The following GSE1 variants were observed in gnomAD, a reference collection of about 807,000 sequenced individuals.
The protein encoded by GSE1 is Gse1 coiled-coil protein.
Under a neutral mutation model 112.6 loss-of-function variants are expected in GSE1, and 32 were observed. The observed-to-expected ratio is 0.28, with a 90% CI of 0.21 to 0.38. The LOEUF is 0.38. Among genes scored for constraint, GSE1 ranks in the 10% least tolerant of loss-of-function variants. The pLI, the probability that GSE1 is intolerant of heterozygous loss-of-function variation, is 1.00. For synonymous variants in GSE1, 1,115 were observed against 735.6 expected (o/e 1.52, Z -8.35); for missense variants, 2,348 against 1,699.2 (o/e 1.38, Z -6.71).
intron 1 of GSE1, among the ~76,000 whole-genome samples, chr16:85,353,544 A>G (rs957972510): frequency 4.6e-5 from 7 of 152,150 alleles, no homozygotes; most frequent in Admixed American, 2.0e-4. Flanking sequence ...TAAAAAATGG[A>G]TTCCCAAAGC....
chr16:85,594,561 C>A (rs2047141934), intron 1 of GSE1: 1 of 152,256 alleles, frequency 6.6e-6, no homozygotes, highest in Non-Finnish European at 1.5e-5. Context: ...ATTCATTCAG[C>A]AAACGCCCGT....
Position 85,657,266 on chromosome 16 carries a change from T to A in GSE1, c.1313-11T>A. Reference sequence around the variant, plus strand: ...GGCTGAGATCCTGCTTGACCGTGTTTCCCCCCACAGAGAAGCTGAAGGATG... The same window carrying A: ...GGCTGAGATCCTGCTTGACCGTGTTACCCCCCACAGAGAAGCTGAAGGATG... On this transcript the variant is annotated splice_polypyrimidine_tract_variant and intron_variant, in intron 7 of 15. Transcript: ENST00000253458. 1 of 1,517,148 alleles carries A rather than the reference T, an allele frequency of 6.6e-7. No homozygotes were observed. The highest frequency in any genetic ancestry group is 8.9e-7 in the Non-Finnish European group (1 of 1,129,460). The allele number at this position is 1,517,148 out of a possible 1,614,324, so 94.0% of individuals were successfully genotyped here. A position where few individuals can be genotyped will look rare whatever the true frequency, so the allele number is the denominator to read the frequency against.
chr16:85,353,105 G>A (rs1318980662), intron 1 of GSE1, among the ~76,000 whole-genome samples: 2 of 152,214 alleles, frequency 1.3e-5, no homozygotes, highest in African/African-American at 4.8e-5. Context: ...GCCTCACTAG[G>A]CTGCAGATCA....
At position 85,398,868 on chromosome 16, in the gene GSE1, C is replaced by T. The variant is rs147365993; in HGVS notation, c.2464+41225C>T. ...ATGTGTAGACATGTATAATGCATGT[C>T]GAGTGCGCACCGACATGTGTGGTAT... is the stretch of plus-strand genomic sequence containing the variant. On this transcript the variant is annotated intron_variant, in intron 2 of 2. Transcript: ENST00000637419. 2.0e-3 allele frequency among the ~76,000 whole-genome samples: 309 copies of T among 152,116 alleles called. 1 individual carries two copies. The highest frequency in any genetic ancestry group is 0.014 in the Middle Eastern group (4 of 294).
Position 85,355,433 on chromosome 16 carries a change from C to G in GSE1, c.2284-2030C>G, listed in dbSNP as rs59110153. 4.6e-3 allele frequency among the ~76,000 whole-genome samples: 698 copies of G among 152,290 alleles called. 9 individuals are homozygous for G. Among genetic ancestry groups the G allele is most frequent in the African/African-American group, 0.016 (654 of 41,548 alleles). ...ACACCCAGGGCTCTGAAGCCTCTGGCCTGGGCTGACCTTGCCTGTGACCCT... is the reference window on the plus strand; with the variant it reads ...ACACCCAGGGCTCTGAAGCCTCTGGGCTGGGCTGACCTTGCCTGTGACCCT... On this transcript the variant is annotated intron_variant, in intron 1 of 2. Coordinates refer to the GSE1 transcript ENST00000637419.
At chr16:85,271,852 T>A (rs558604384) in intron 1 of GSE1, among the ~76,000 whole-genome samples, 1 of 152,252 alleles carries the variant, frequency 6.6e-6, no homozygotes, top group Admixed American at 6.5e-5. Flanking sequence ...TGGGTCACAT[T>A]CTGGTTAAGA....
intron 2 of GSE1, among the ~76,000 whole-genome samples, chr16:85,395,349 C>A (rs1294322718): frequency 6.6e-6 from 1 of 152,150 alleles, no homozygotes; most frequent in Non-Finnish European, 1.5e-5. Context: ...CTAAGATGAT[C>A]GCGCCCTGCT....
intron 1 of GSE1, among the ~76,000 whole-genome samples, chr16:85,575,367 G>A (rs928794462): frequency 2.0e-5 from 3 of 152,226 alleles, no homozygotes; most frequent in Non-Finnish European, 2.9e-5. Flanking sequence ...AAACATCCTG[G>A]TTCCGGAGAT....
chr16:85,274,479 T>C lies in GSE1; in HGVS notation c.2284-82984T>C, dbSNP rs1225908489. 2.6e-5 allele frequency among the ~76,000 whole-genome samples: 4 copies of C among 152,208 alleles called. No individual in the cohort carries two copies. The South Asian group carries it at 6.2e-4, about 24-fold the overall frequency. ...CACTCGGCCAGATGGCTTTGGTGGCTCTCCTAAAACCTGGCTCAGGCATCC... is the reference window on the plus strand; with the variant it reads ...CACTCGGCCAGATGGCTTTGGTGGCCCTCCTAAAACCTGGCTCAGGCATCC... On this transcript the variant is annotated intron_variant, in intron 1 of 2. Transcript: ENST00000637419.
intron 3 of GSE1, among the ~76,000 whole-genome samples, chr16:85,653,292 TCCTCCTCCTCCTACCC>T (rs1339113258): frequency 4.2e-3 from 5 of 1,188 alleles, no homozygotes; most frequent in African/African-American, 0.01. Context: ...TCCTACCCCC[TCCTCCTCCTCCTACCC>T]CCTCCTCCTC....
rs192074370 is a variant in GSE1 at position 85,316,813 on chromosome 16, G to A, written c.2284-40650G>A. Among the ~76,000 whole-genome samples the A allele has an allele frequency of 2.6e-5, 4 of 152,320 alleles. No homozygotes were observed. The East Asian group carries it at 7.7e-4, about 29-fold the overall frequency. On this transcript the variant is annotated intron_variant, in intron 1 of 2. Transcript: ENST00000637419. ...GACGTCTCCCTGTCAGGATGATGGG[G>A]TGTCAGGGGCTGAACCTGGGCTCAG...
intron 2 of GSE1, 53 bp downstream of exon 2, chr16:85,634,185 G>C (rs1598471075): frequency 8.0e-7 from 1 of 1,249,824 alleles, no homozygotes; most frequent in African/African-American, 1.6e-5. Flanking sequence ...CCCGAGGCCG[G>C]GACTCAGCCT....
intron 2 of GSE1, among the ~76,000 whole-genome samples, chr16:85,449,346 C>G (rs1268243307): frequency 6.6e-6 from 1 of 152,206 alleles, no homozygotes; most frequent in East Asian, 1.9e-4. Flanking sequence ...AAAAACAAAG[C>G]CAAGGGATGG....
In GSE1 at chr16:85,289,031, G is replaced by T. The variant is rs2045126947; in HGVS notation, c.2284-68432G>T. On this transcript the variant is annotated intron_variant, in intron 1 of 2. Coordinates refer to the GSE1 transcript ENST00000637419. The stretch of plus-strand genomic sequence containing the variant: ...CCACCTTCCTCACCTCCACCTGCCA[G>T]GTCTGTGGGGCAGCAGCTCTCACCA... Among the ~76,000 whole-genome samples the T allele has an allele frequency of 2.0e-5, 3 of 152,334 alleles. No homozygotes were observed. The South Asian group carries it at 6.2e-4, about 32-fold the overall frequency.
intron 1 of GSE1, among the ~76,000 whole-genome samples, chr16:85,249,011 T>G (rs960680420): frequency 1.3e-5 from 2 of 152,178 alleles, no homozygotes; most frequent in South Asian, 4.1e-4. Flanking sequence ...CAGACACAGA[T>G]AGGAGGCAGC....
chr16:85,506,790 A>G (rs1412526609), intron 2 of GSE1, among the ~76,000 whole-genome samples: 2 of 152,112 alleles, frequency 1.3e-5, no homozygotes, highest in African/African-American at 4.8e-5. Flanking sequence ...AGCTCCTGCT[A>G]CTTGCTGGGG....
At chr16:85,542,669 G>C (rs1478143538) in intron 2 of GSE1, among the ~76,000 whole-genome samples, 1 of 152,240 alleles carries the variant, frequency 6.6e-6, no homozygotes, top group Non-Finnish European at 1.5e-5. Context: ...GTTCAGCTCA[G>C]CACAAGCTAG....
intron 2 of GSE1, among the ~76,000 whole-genome samples, chr16:85,644,223 C>T (rs566952601): frequency 2.1e-4 from 32 of 152,092 alleles, no homozygotes; most frequent in Middle Eastern, 3.4e-3. Context: ...CCTTTAGTCC[C>T]GGCTCCTCAG....
intron 1 of GSE1, among the ~76,000 whole-genome samples, chr16:85,263,967 C>G (rs1467583282): frequency 6.6e-6 from 1 of 152,168 alleles, no homozygotes; most frequent in Admixed American, 6.5e-5. Flanking sequence ...AGAGCTTAGT[C>G]AACAGCGGGC....
Sources: gnomAD v4.1 joint callset for allele counts (sites outside exome capture counted in the v4.1 genomes callset) on GRCh38, gnomAD v4.1.1 for gene constraint, MANE v1.5 for transcripts, NCBI Gene and HGNC (gene_info 2026-07-23, HGNC 2026-07-21) for gene names.